The following LHFPL2 variants were observed in gnomAD, a reference collection of about 807,000 sequenced individuals.
The protein encoded by LHFPL2 is LHFPL tetraspan subfamily member 2.
In LHFPL2, 7 loss-of-function variants were observed where a neutral mutation model predicts 17.5. That is an observed-to-expected ratio of 0.40 (90% CI 0.23 to 0.75). LHFPL2 has a LOEUF of 0.75. Among genes scored for constraint, LHFPL2 ranks in the 30% least tolerant of loss-of-function variants. The probability of loss-of-function intolerance (pLI) is 0.37; values close to 1 mark genes in which losing one functional copy is unlikely to be tolerated. For missense variants in LHFPL2, 241 were observed against 294.8 expected, an observed-to-expected ratio of 0.82 and a Z score of 1.34; for synonymous variants, 134 against 116.2, an observed-to-expected ratio of 1.15 and a Z score of -0.99.
intron 1 of LHFPL2, among the ~76,000 whole-genome samples, chr5:78,640,199 A>T (rs1745618996): frequency 6.6e-6 from 1 of 152,248 alleles, no homozygotes; most frequent in African/African-American, 2.4e-5. Flanking sequence ...AAACAAAAAA[A>T]AAATCAAACA....
At chr5:78,610,153 C>A (rs1162594151) in intron 2 of LHFPL2, among the ~76,000 whole-genome samples, 2 of 152,164 alleles carry the variant, frequency 1.3e-5, no homozygotes. Flanking sequence ...AGGCAGACCA[C>A]CAGCCTCCCA....
intron 3 of LHFPL2, among the ~76,000 whole-genome samples, chr5:78,542,115 CT>C (rs36078151): frequency 2.5e-3 from 364 of 145,710 alleles, no homozygotes; most frequent in South Asian, 7.7e-3. Flanking sequence ...TGTCATTAAG[CT>C]TTTTTTTTTT....
intron 2 of LHFPL2, among the ~76,000 whole-genome samples, chr5:78,569,673 C>G (rs1353490677): frequency 6.6e-6 from 1 of 152,156 alleles, no homozygotes; most frequent in African/African-American, 2.4e-5. Flanking sequence ...AAAGTGGCAG[C>G]TTGCCAAAGG....
intron 3 of LHFPL2, among the ~76,000 whole-genome samples, chr5:78,530,459 G>C (rs1755749184): frequency 6.6e-6 from 1 of 152,140 alleles, no homozygotes; most frequent in Non-Finnish European, 1.5e-5. Flanking sequence ...CACGGAACAG[G>C]GTGCTGGGGA....
chr5:78,531,970 G>C (rs978337989), intron 3 of LHFPL2, among the ~76,000 whole-genome samples: 3 of 151,184 alleles, frequency 2.0e-5, no homozygotes, highest in African/African-American at 7.3e-5. Flanking sequence ...TGTCACCCAG[G>C]CTGGAGTACA....
intron 3 of LHFPL2, among the ~76,000 whole-genome samples, chr5:78,512,149 A>G (rs1755149063): frequency 6.6e-6 from 1 of 152,092 alleles, no homozygotes; most frequent in Non-Finnish European, 1.5e-5. Context: ...CACCGTTCAG[A>G]CAACTATTGA....
intron 1 of LHFPL2, among the ~76,000 whole-genome samples, chr5:78,633,167 C>T (rs990459186): frequency 6.6e-6 from 1 of 152,208 alleles, no homozygotes; most frequent in African/African-American, 2.4e-5. Flanking sequence ...AACGACACCC[C>T]ATCTTAGCTG....
intron 2 of LHFPL2, among the ~76,000 whole-genome samples, chr5:78,586,669 T>G: frequency 6.6e-6 from 1 of 152,116 alleles, no homozygotes; most frequent in Non-Finnish European, 1.5e-5. Flanking sequence ...CCCACTCAGG[T>G]AGGAGATTCC....
At chr5:78,512,091 C>A (rs1046539986) in intron 3 of LHFPL2, among the ~76,000 whole-genome samples, 2 of 152,144 alleles carry the variant, frequency 1.3e-5, no homozygotes, top group African/African-American at 4.8e-5. Flanking sequence ...AAGTGCTCAA[C>A]AAATATCAAC....
At chr5:78,639,219 T>A (rs150416515) in intron 1 of LHFPL2, among the ~76,000 whole-genome samples, 1 of 152,258 alleles carries the variant, frequency 6.6e-6, no homozygotes, top group East Asian at 1.9e-4. Context: ...ACCCATACTG[T>A]CCCTGACTAC....
intron 1 of LHFPL2, among the ~76,000 whole-genome samples, chr5:78,647,255 G>A (rs1442438684): frequency 2.0e-5 from 3 of 152,138 alleles, no homozygotes; most frequent in South Asian, 2.1e-4. Context: ...ATTTAAAAAG[G>A]AGTAGTTTCT....
chr5:78,543,079 G>A (rs962748486), intron 3 of LHFPL2, among the ~76,000 whole-genome samples: 5 of 152,212 alleles, frequency 3.3e-5, no homozygotes, highest in African/African-American at 4.8e-5. Context: ...GCATGGTGCA[G>A]GCCAGGCAGA....
rs144710182 is a variant in LHFPL2 at position 78,547,606 on chromosome 5, T to C, written c.-186+17207A>G. Among the ~76,000 whole-genome samples the C allele has an allele frequency of 4.6e-5, 7 of 152,308 alleles. No individual in the cohort carries two copies. In the East Asian group the frequency reaches 1.3e-3, roughly 29 times the overall value. ...GCCTTTCTCATGGTGGAATACACAGTCCTTCCAATGTCTGTGAAGTACCAG... is the reference window on the plus strand; with the variant it reads ...GCCTTTCTCATGGTGGAATACACAGCCCTTCCAATGTCTGTGAAGTACCAG... On this transcript the variant is annotated intron_variant, in intron 3 of 4. Transcript: ENST00000380345.
intron 3 of LHFPL2, among the ~76,000 whole-genome samples, chr5:78,548,232 G>A (rs1756343340): frequency 6.6e-6 from 1 of 152,218 alleles, no homozygotes; most frequent in African/African-American, 2.4e-5. Context: ...CCCAGCTACG[G>A]TACATAAGCT....
chr5:78,531,831 G>A (rs753015302), intron 3 of LHFPL2, among the ~76,000 whole-genome samples: 1 of 151,984 alleles, frequency 6.6e-6, no homozygotes, highest in Non-Finnish European at 1.5e-5. Context: ...GTATGATCTC[G>A]GCTCACTGCA....
chr5:78,604,744 G>A (rs570501095), intron 2 of LHFPL2, among the ~76,000 whole-genome samples: 7 of 152,166 alleles, frequency 4.6e-5, no homozygotes, highest in Admixed American at 2.0e-4. Context: ...TTGACGGCTG[G>A]CTTTAAAATA....
chr5:78,598,709 A>C (rs1323441298), intron 2 of LHFPL2, among the ~76,000 whole-genome samples: 3 of 152,186 alleles, frequency 2.0e-5, no homozygotes, highest in Admixed American at 2.0e-4. Context: ...TCACTCCAAC[A>C]AAATAGATCT....
At chr5:78,547,953 C>A (rs1208246180) in intron 3 of LHFPL2, among the ~76,000 whole-genome samples, 4 of 152,254 alleles carry the variant, frequency 2.6e-5, no homozygotes, top group African/African-American at 9.6e-5. Flanking sequence ...AAGGCCGCTA[C>A]ATCTCCCCAG....
intron 2 of LHFPL2, chr5:78,626,620 C>T (rs1386315236): frequency 1.3e-5 from 2 of 152,182 alleles, no homozygotes; most frequent in Non-Finnish European, 2.9e-5. Context: ...CCGCAGTCTC[C>T]ATCATCAACT....
Sources: gnomAD v4.1 joint callset for allele counts (sites outside exome capture counted in the v4.1 genomes callset) on GRCh38, gnomAD v4.1.1 for gene constraint, MANE v1.5 for transcripts, NCBI Gene and HGNC (gene_info 2026-07-23, HGNC 2026-07-21) for gene names.